SLC16A12: variants seen among roughly 807,000 people sequenced by gnomAD.
SLC16A12 encodes monocarboxylate transporter 12.
In SLC16A12, 17 loss-of-function variants were observed where a neutral mutation model predicts 42.4. That is an observed-to-expected ratio of 0.40 (90% CI 0.27 to 0.60). SLC16A12 has a LOEUF of 0.60. Ranked by LOEUF, SLC16A12 falls within the 20% of genes least tolerant of loss-of-function variation. The pLI is 0.42. For missense variants in SLC16A12, 544 were observed against 623.0 expected (o/e 0.87, Z 1.35); for synonymous variants, 224 against 229.4 (o/e 0.98, Z 0.21).
intron 4 of SLC16A12, 27 bp downstream of exon 4, chr10:89,443,729 T>G (rs758866594): frequency 2.7e-6 from 4 of 1,502,752 alleles, no homozygotes; most frequent in Non-Finnish European, 3.7e-6. Flanking sequence ...TGGCCAGTAA[T>G]TCCCTATCCT....
intron 6 of SLC16A12, 26 bp downstream of exon 6, chr10:89,438,578 A>C: frequency 6.2e-7 from 1 of 1,603,766 alleles, no homozygotes; most frequent in Non-Finnish European, 8.5e-7. Context: ...CTGGTGGGGA[A>C]CCAATTGTGG....
At chr10:89,519,808 C>A (rs2133852406) in intron 2 of SLC16A12, among the ~76,000 whole-genome samples, 1 of 152,006 alleles carries the variant, frequency 6.6e-6, no homozygotes, top group Middle Eastern at 3.4e-3. Flanking sequence ...TTTTATAATC[C>A]CAGACATATA....
chr10:89,438,565 C>T (rs372825345), intron 6 of SLC16A12, 39 bp downstream of exon 6: 5 of 1,590,630 alleles, frequency 3.1e-6, no homozygotes, highest in African/African-American at 1.3e-5. Flanking sequence ...GGCTTAAAGT[C>T]CCCTGGTGGG....
intron 2 of SLC16A12, among the ~76,000 whole-genome samples, chr10:89,545,752 A>C (rs1843739099): frequency 6.6e-6 from 1 of 152,242 alleles, no homozygotes; most frequent in Non-Finnish European, 1.5e-5. Flanking sequence ...TCACATAGCC[A>C]AGACAATCAT....
intron 2 of SLC16A12, among the ~76,000 whole-genome samples, chr10:89,552,988 C>A (rs967021762): frequency 1.3e-5 from 2 of 152,168 alleles, no homozygotes; most frequent in Non-Finnish European, 2.9e-5. Flanking sequence ...AATGTACCTC[C>A]GTCCCTCTGT....
intron 2 of SLC16A12, among the ~76,000 whole-genome samples, chr10:89,524,280 A>T (rs1843411706): frequency 6.6e-6 from 1 of 152,138 alleles, no homozygotes; most frequent in South Asian, 2.1e-4. Context: ...TTTATCACCA[A>T]ATCCCCACTC....
At chr10:89,506,182 T>G (rs1843058685) in intron 2 of SLC16A12, among the ~76,000 whole-genome samples, 1 of 152,208 alleles carries the variant, frequency 6.6e-6, no homozygotes, top group African/African-American at 2.4e-5. Context: ...CTGACAGCTC[T>G]GAAGAGAGCA....
chr10:89,526,763 C>G (rs892536309), intron 2 of SLC16A12, among the ~76,000 whole-genome samples: 3 of 152,202 alleles, frequency 2.0e-5, no homozygotes, highest in Non-Finnish European at 4.4e-5. Context: ...GGTCCGCCAC[C>G]CATTGCCCTC....
intron 7 of SLC16A12, 121 bp from the exon 8 acceptor site, chr10:89,433,447 G>A: frequency 9.8e-7 from 1 of 1,019,944 alleles, no homozygotes; most frequent in Non-Finnish European, 1.4e-6. Flanking sequence ...TTGTAACTTT[G>A]AAACAAAAAG....
rs1564585718 is a variant in SLC16A12, at chr10:89,486,599, AAAAAAAAGAAAGAAAG to A, written c.-46-23991_-46-23976del. ...AGAGTGAAACCTTGTCTCAAAAAAA[AAAAAAAAGAAAGAAAG>A]AAAGAAAGAAAGAAAGAAAGAAAGA... On this transcript the variant is annotated intron_variant, in intron 2 of 7. Coordinates refer to ENST00000371790, the MANE Select transcript of SLC16A12 (RefSeq NM_213606.4). Among the ~76,000 whole-genome samples the A allele has an allele frequency of 1.6e-4, 19 of 121,572 alleles. 1 individual carries two copies. Among genetic ancestry groups the A allele is most frequent in the South Asian group, 1.4e-3 (5 of 3,650 alleles). The allele number at this position is 121,572 out of a possible 152,430, so 79.8% of individuals were successfully genotyped here.
intron 2 of SLC16A12, among the ~76,000 whole-genome samples, chr10:89,478,099 A>T (rs1842607568): frequency 6.6e-6 from 1 of 152,186 alleles, no homozygotes; most frequent in Non-Finnish European, 1.5e-5. Flanking sequence ...AACTTAATAA[A>T]GGAAGTGGAG....
chr10:89,440,027 C>T lies in SLC16A12; in HGVS notation c.449-844G>A, dbSNP rs117660249. On this transcript the variant is annotated intron_variant, in intron 5 of 7. Coordinates refer to ENST00000371790, the MANE Select transcript of SLC16A12 (RefSeq NM_213606.4). ...GAGACAGAGGTTGCAGCTGAGATTGCGCCACTGCACTCCAGCCTGAGGACC... is the reference window on the plus strand; with the variant it reads ...GAGACAGAGGTTGCAGCTGAGATTGTGCCACTGCACTCCAGCCTGAGGACC... Among the ~76,000 whole-genome samples, 435 of 140,710 alleles carry T rather than the reference C, an allele frequency of 3.1e-3. 19 individuals are homozygous for T. In the East Asian group the frequency reaches 0.074, roughly 24 times the overall value. 92.3% of individuals were successfully genotyped at this position (140,710 alleles called of 152,430 possible).
intron 6 of SLC16A12, among the ~76,000 whole-genome samples, chr10:89,437,465 G>A (rs1841821111): frequency 6.6e-6 from 1 of 151,932 alleles, no homozygotes; most frequent in African/African-American, 2.4e-5. Context: ...GGATCTGAGG[G>A]TTAGGTGACT....
At chr10:89,540,177 C>A (rs183642852), upstream of SLC16A12, among the ~76,000 whole-genome samples, 22 of 152,020 alleles carry the variant, frequency 1.4e-4, no homozygotes, top group African/African-American at 4.6e-4. Flanking sequence ...CAGTTCACTG[C>A]AGCCTTGATT....
intron 2 of SLC16A12, among the ~76,000 whole-genome samples, chr10:89,472,488 T>A (rs554409217): frequency 3.7e-4 from 25 of 67,962 alleles, no homozygotes; most frequent in African/African-American, 9.8e-4. Context: ...CTTTTCTTTC[T>A]TTTTTTTTTT....
chr10:89,462,828 A>C (rs1589680007), intron 2 of SLC16A12: 1 of 517,350 alleles, frequency 1.9e-6, no homozygotes, highest in Non-Finnish European at 3.2e-6. Context: ...AATTGTAGTC[A>C]AATGCATGTC....
At chr10:89,463,098 T>A (rs567495562) in intron 2 of SLC16A12, 1 of 156,530 alleles carries the variant, frequency 6.4e-6, no homozygotes, top group Non-Finnish European at 1.4e-5. Flanking sequence ...AGAAGCAGCC[T>A]GGGTCCCCAG....
intron 2 of SLC16A12, among the ~76,000 whole-genome samples, chr10:89,507,906 GA>G (rs1843091826): frequency 6.6e-6 from 1 of 151,628 alleles, no homozygotes; most frequent in Admixed American, 6.6e-5. Flanking sequence ...AATGGAAAGC[GA>G]AAAAAAGCAG....
chr10:89,490,753 T>C (rs1481990525), intron 2 of SLC16A12, among the ~76,000 whole-genome samples: 2 of 152,210 alleles, frequency 1.3e-5, no homozygotes, highest in East Asian at 1.9e-4. Context: ...GGTTAAATCA[T>C]TGACCATTTC....
Sources: gnomAD v4.1 joint callset for allele counts (sites outside exome capture counted in the v4.1 genomes callset) on GRCh38, gnomAD v4.1.1 for gene constraint, MANE v1.5 for transcripts, NCBI Gene and HGNC (gene_info 2026-07-23, HGNC 2026-07-21) for gene names.